CMTR1: variants seen among roughly 807,000 people sequenced by gnomAD.
CMTR1 encodes the protein cap-specific mRNA (nucleoside-2'-O-)-methyltransferase 1.
In CMTR1, 39 loss-of-function variants were observed where a neutral mutation model predicts 107.0. The ratio of observed to expected loss-of-function variants is 0.36; its 90% CI spans 0.28 to 0.48. The LOEUF (loss-of-function observed/expected upper bound fraction) is 0.48, where lower values mean the gene tolerates loss of function less well. CMTR1 is among the 20% of genes least tolerant of loss of function. The pLI, the probability that CMTR1 is intolerant of heterozygous loss-of-function variation, is 0.99. For missense variants in CMTR1, 672 were observed against 1,064.9 expected (o/e 0.63, Z 5.14); for synonymous variants, 366 against 379.5 (o/e 0.96, Z 0.41).
At chr6:37,452,051 C>T (rs189709455) in intron 6 of CMTR1, among the ~76,000 whole-genome samples, 174 bp downstream of exon 6, 1 of 152,138 alleles carries the variant, frequency 6.6e-6, no homozygotes, top group African/African-American at 2.4e-5. Context: ...GGTGACTGTT[C>T]TGCCCTGTGG....
chr6:37,440,113 C>T (rs1393709059), intron 2 of CMTR1, among the ~76,000 whole-genome samples: 3 of 152,166 alleles, frequency 2.0e-5, no homozygotes, highest in Non-Finnish European at 4.4e-5. Context: ...ATCTTAAAAC[C>T]GTACATACTG....
chr6:37,443,311 AC>A (rs1223269853), intron 2 of CMTR1, among the ~76,000 whole-genome samples: 1 of 152,154 alleles, frequency 6.6e-6, no homozygotes, highest in Non-Finnish European at 1.5e-5. Context: ...AGCAGAAATA[AC>A]AATCATATCT....
intron 19 of CMTR1, 60 bp from the exon 20 acceptor site, chr6:37,476,066 G>T: frequency 3.9e-6 from 6 of 1,530,792 alleles, no homozygotes; most frequent in Non-Finnish European, 4.5e-6. Context: ...TGCCCTGGGG[G>T]TAGGGGTGCT....
intron 8 of CMTR1, among the ~76,000 whole-genome samples, chr6:37,457,481 C>T (rs1255341692): frequency 4.6e-5 from 7 of 152,058 alleles, no homozygotes; most frequent in Admixed American, 3.9e-4. Context: ...GGAGAGAGAC[C>T]AAATGCAGTG....
At chr6:37,450,210 G>T (rs1347581519) in intron 4 of CMTR1, 41 bp from the exon 5 acceptor site, 1 of 1,517,782 alleles carries the variant, frequency 6.6e-7, no homozygotes, top group African/African-American at 1.4e-5. Context: ...AGCTTTGAGG[G>T]TGTGTCATAT....
chr6:37,440,905 A>G (rs950070468), intron 2 of CMTR1, among the ~76,000 whole-genome samples: 1 of 152,180 alleles, frequency 6.6e-6, no homozygotes, highest in African/African-American at 2.4e-5. Flanking sequence ...CAGCCTGGCA[A>G]CTCTTTAGAG....
At chr6:37,457,232 CAAAA>C (rs1418290317) in intron 8 of CMTR1, among the ~76,000 whole-genome samples, 7 of 145,530 alleles carry the variant, frequency 4.8e-5, no homozygotes, top group African/African-American at 1.5e-4. Context: ...AAAAAAAAAA[CAAAA>C]AAACCTGGGG....
rs781483796 is a variant in CMTR1, at chr6:37,474,480, G to A, written c.1822-44G>A. The A allele has an allele frequency of 3.4e-5, 54 of 1,609,560 alleles. No individual in the cohort carries two copies. In the Admixed American group the frequency reaches 7.0e-4, roughly 21 times the overall value. On this transcript the variant is annotated intron_variant, in intron 17 of 23. Coordinates refer to ENST00000373451, the MANE Select transcript of CMTR1 (RefSeq NM_015050.3). ...TTGAGAAGTAAGCCTCTTATCCCTC[G>A]ATCTCCATGCCTTCCTTACCTGGCT...
Position 37,480,533 on chromosome 6 carries a change from T to G in CMTR1, c.*388T>G. 1.9e-6 allele frequency: 2 copies of G among 1,069,194 alleles called. No individual in the cohort carries two copies. The highest frequency in any genetic ancestry group is 2.3e-6 in the Non-Finnish European group (2 of 883,714). 66.2% of individuals were successfully genotyped at this position (1,069,194 alleles called of 1,614,324 possible). A position where few individuals can be genotyped will look rare whatever the true frequency, so the allele number is the denominator to read the frequency against. On this transcript the variant is annotated 3_prime_UTR_variant, in exon 24 of 24. Transcript: ENST00000373451. ...CTTTTCTGAGTTCCATGCACTGCCCTGAGGGTAGCCATGCCCTTGCTTTGC... is the reference window on the plus strand; with the variant it reads ...CTTTTCTGAGTTCCATGCACTGCCCGGAGGGTAGCCATGCCCTTGCTTTGC...
At chr6:37,427,847 G>A in the CMTR1 span, among the ~76,000 whole-genome samples, 5 of 152,142 alleles carry the variant, frequency 3.3e-5, no homozygotes, top group Non-Finnish European at 7.4e-5. This position sits in a 1 kb window ranked among gnomAD's most constrained non-coding sequence, Gnocchi z 4.4. Context: ...ATTTCTACTG[G>A]ATATAGAATT....
At chr6:37,460,187 G>C (rs1761372215) in intron 10 of CMTR1, among the ~76,000 whole-genome samples, 1 of 152,260 alleles carries the variant, frequency 6.6e-6, no homozygotes, top group East Asian at 1.9e-4. Context: ...AGGAAGGACA[G>C]ACAATTTGGC....
chr6:37,456,222 T>A (rs548769998), intron 8 of CMTR1, among the ~76,000 whole-genome samples: 4 of 152,338 alleles, frequency 2.6e-5, no homozygotes, highest in African/African-American at 9.6e-5. Context: ...TTGTGACCCC[T>A]GCCACATTAC....
intron 14 of CMTR1, among the ~76,000 whole-genome samples, chr6:37,471,485 T>TCC (rs1171365815): frequency 5.3e-5 from 8 of 152,086 alleles, no homozygotes; most frequent in Non-Finnish European, 8.8e-5. Flanking sequence ...CATGGTGACA[T>TCC]CCAGTGGGAT....
At chr6:37,433,910 A>G (rs868330492) in intron 1 of CMTR1, among the ~76,000 whole-genome samples, 1 of 152,102 alleles carries the variant, frequency 6.6e-6, no homozygotes. Context: ...GGAAGGCCCA[A>G]ATCTAAGGTG....
chr6:37,432,006 C>A (rs757560632), upstream of CMTR1, among the ~76,000 whole-genome samples: 3 of 152,124 alleles, frequency 2.0e-5, no homozygotes, highest in Admixed American at 1.3e-4. Flanking sequence ...TCAGTAGAGA[C>A]GGGATTTCAC....
In CMTR1 at chr6:37,480,570, T is replaced by C. The variant is rs1383357378; in HGVS notation, c.*425T>C. On this transcript the variant is annotated 3_prime_UTR_variant, in exon 24 of 24. Coordinates refer to ENST00000373451, the MANE Select transcript of CMTR1 (RefSeq NM_015050.3). Reference sequence around the variant, plus strand: ...TGCCCTTGCTTTGCCCAACTTTTTATTGGGCCATCCCTGAGTGGGTGGAGA... The same window carrying C: ...TGCCCTTGCTTTGCCCAACTTTTTACTGGGCCATCCCTGAGTGGGTGGAGA... The C allele has an allele frequency of 2.3e-5, 24 of 1,038,800 alleles. No individual in the cohort carries two copies. Among genetic ancestry groups the C allele is most frequent in the Non-Finnish European group, 2.5e-5 (22 of 865,388 alleles). 64.3% of individuals were successfully genotyped at this position (1,038,800 alleles called of 1,614,324 possible). A position where few individuals can be genotyped will look rare whatever the true frequency, so the allele number is the denominator to read the frequency against.
chr6:37,457,217 C>CA (rs775870961), intron 8 of CMTR1, among the ~76,000 whole-genome samples: 1,220 of 83,106 alleles, frequency 0.015, 19 homozygotes, highest in African/African-American at 0.015. Context: ...ACCTCGTTGC[C>CA]AAAAAAAAAA....
At chr6:37,440,872 G>T (rs773449116) in intron 2 of CMTR1, among the ~76,000 whole-genome samples, 12 of 152,220 alleles carry the variant, frequency 7.9e-5, no homozygotes, top group South Asian at 2.1e-4. Context: ...CGTGCTCATT[G>T]TTGGGCCCTC....
chr6:37,469,439 T>C (rs1012425214), intron 13 of CMTR1, among the ~76,000 whole-genome samples: 1 of 151,936 alleles, frequency 6.6e-6, no homozygotes, highest in Non-Finnish European at 1.5e-5. Context: ...TTGGGGTTCA[T>C]TGACCTTGGA....
Sources: gnomAD v4.1 joint callset for allele counts (sites outside exome capture counted in the v4.1 genomes callset) on GRCh38, gnomAD v4.1.1 for gene constraint, Gnocchi (gnomAD v3.1) non-coding constraint, MANE v1.5 for transcripts, NCBI Gene and HGNC (gene_info 2026-07-23, HGNC 2026-07-21) for gene names.